The following VPS13B variants were observed in gnomAD, a reference collection of about 807,000 sequenced individuals.
The protein encoded by VPS13B is vacuolar protein sorting 13 homolog B, also known as intermembrane lipid transfer protein VPS13B.
In VPS13B, 285 loss-of-function variants were observed where a neutral mutation model predicts 426.4. The ratio of observed to expected loss-of-function variants is 0.67; its 90% CI spans 0.61 to 0.74. The LOEUF (loss-of-function observed/expected upper bound fraction) is 0.74, where lower values mean the gene tolerates loss of function less well. Among genes scored for constraint, VPS13B ranks in the 30% least tolerant of loss-of-function variants. The probability of loss-of-function intolerance (pLI) is 0.00; values close to 1 mark genes in which losing one functional copy is unlikely to be tolerated. For synonymous variants in VPS13B, 1,676 were observed against 1,676.4 expected (o/e 1.00, Z 0.01); for missense variants, 4,537 against 4,782.6 (o/e 0.95, Z 1.51).
intron 17 of VPS13B, among the ~76,000 whole-genome samples, chr8:99,266,597 TA>T (rs1194636973): frequency 6.6e-6 from 1 of 151,990 alleles, no homozygotes; most frequent in Non-Finnish European, 1.5e-5. Context: ...TGGTGGGAGG[TA>T]ATTGAATCAT....
intron 39 of VPS13B, among the ~76,000 whole-genome samples, chr8:99,724,753 G>A (rs1307620416): frequency 6.6e-6 from 1 of 152,098 alleles, no homozygotes; most frequent in African/African-American, 2.4e-5. Context: ...ACTCCTAGAT[G>A]GAATTCCAGG....
intron 39 of VPS13B, among the ~76,000 whole-genome samples, chr8:99,746,671 T>A (rs555190780): frequency 2.1e-3 from 317 of 152,276 alleles, no homozygotes; most frequent in Non-Finnish European, 3.9e-3. Context: ...GTGAGCCCAG[T>A]TCTGCAGGTT....
intron 17 of VPS13B, chr8:99,233,374 A>T (rs1816453947): frequency 1.9e-6 from 2 of 1,069,270 alleles, no homozygotes; most frequent in Non-Finnish European, 2.9e-6. Context: ...TTTCCCGAAG[A>T]TCCGTCCCTG....
intron 14 of VPS13B, among the ~76,000 whole-genome samples, 178 bp downstream of exon 14, chr8:99,148,188 G>A (rs1810850121): frequency 6.6e-6 from 1 of 151,310 alleles, no homozygotes; most frequent in Admixed American, 6.6e-5. Context: ...GACCAGCCTA[G>A]GCAACAGCAA....
intron 5 of VPS13B, among the ~76,000 whole-genome samples, chr8:99,103,816 TG>T (rs962790889): frequency 5.9e-5 from 9 of 152,076 alleles, no homozygotes; most frequent in Admixed American, 3.3e-4. Flanking sequence ...TGTGTTTTTT[TG>T]TAGAGACAAG....
intron 17 of VPS13B, among the ~76,000 whole-genome samples, chr8:99,238,010 C>T (rs1455648980): frequency 6.6e-6 from 1 of 151,964 alleles, no homozygotes; most frequent in Non-Finnish European, 1.5e-5. Context: ...TAATAGGCCT[C>T]TAGGCAGTCC....
At chr8:99,258,551 T>C (rs1437837785) in intron 17 of VPS13B, among the ~76,000 whole-genome samples, 4 of 152,068 alleles carry the variant, frequency 2.6e-5, no homozygotes, top group Non-Finnish European at 4.4e-5. Context: ...AGTTATTCCT[T>C]TAAAATTTTA....
intron 2 of VPS13B, among the ~76,000 whole-genome samples, chr8:99,022,782 AGTTAT>A (rs898236763): frequency 5.9e-5 from 9 of 152,084 alleles, no homozygotes; most frequent in African/African-American, 2.2e-4. Context: ...TATATCTTAA[AGTTAT>A]GTTATTAAGT....
At chr8:99,455,170 G>A (rs78256331) in intron 23 of VPS13B, among the ~76,000 whole-genome samples, 1 of 152,086 alleles carries the variant, frequency 6.6e-6, no homozygotes, top group Admixed American at 6.6e-5. Context: ...GGTGTAAAAA[G>A]TCATCAAAAA....
chr8:99,635,939 C>T (rs986127509), intron 33 of VPS13B, among the ~76,000 whole-genome samples: 2 of 151,954 alleles, frequency 1.3e-5, no homozygotes, highest in African/African-American at 2.4e-5. Flanking sequence ...TATCTTAATA[C>T]ATTGAAAAGA....
At chr8:99,281,698 G>C (rs1819181435) in intron 19 of VPS13B, among the ~76,000 whole-genome samples, 1 of 152,184 alleles carries the variant, frequency 6.6e-6, no homozygotes, top group African/African-American at 2.4e-5. Flanking sequence ...CTTGTCTTCT[G>C]CAGCCTTCAT....
At chr8:99,343,180 G>T (rs545798959) in intron 19 of VPS13B, among the ~76,000 whole-genome samples, 5 of 150,854 alleles carry the variant, frequency 3.3e-5, no homozygotes, top group East Asian at 2.0e-4. Context: ...TGCAACCTCC[G>T]CCTCCCAGGT....
At chr8:99,849,861 AAGT>A (rs1380837831) in intron 55 of VPS13B, among the ~76,000 whole-genome samples, 1 of 152,186 alleles carries the variant, frequency 6.6e-6, no homozygotes, top group Non-Finnish European at 1.5e-5. Flanking sequence ...AAAATAAAAC[AAGT>A]AGAATATAAT....
chr8:99,614,511 C>G (rs1827995284), intron 33 of VPS13B, among the ~76,000 whole-genome samples: 1 of 152,038 alleles, frequency 6.6e-6, no homozygotes, highest in Non-Finnish European at 1.5e-5. Flanking sequence ...TGCCCAACCT[C>G]AAGTGATCCG....
intron 19 of VPS13B, among the ~76,000 whole-genome samples, chr8:99,316,280 C>T (rs1365023495): frequency 3.3e-5 from 5 of 152,134 alleles, no homozygotes; most frequent in African/African-American, 9.7e-5. Flanking sequence ...CTAATGGTGG[C>T]AACCAGCCTT....
chr8:99,334,946 C>A (rs1328306103), intron 19 of VPS13B, among the ~76,000 whole-genome samples: 2 of 152,018 alleles, frequency 1.3e-5, no homozygotes, highest in Non-Finnish European at 2.9e-5. Context: ...CCAGCTCCTT[C>A]TTATACCTCG....
chr8:99,433,946 C>G (rs1211846417), intron 22 of VPS13B, among the ~76,000 whole-genome samples: 1 of 152,062 alleles, frequency 6.6e-6, no homozygotes, highest in Non-Finnish European at 1.5e-5. Flanking sequence ...GCTGGAATTA[C>G]AGGCGCCCAC....
chr8:99,838,683 C>T (rs752618991), intron 54 of VPS13B, among the ~76,000 whole-genome samples: 14 of 152,090 alleles, frequency 9.2e-5, no homozygotes, highest in Non-Finnish European at 1.6e-4. Context: ...AGTAATTGCA[C>T]GGGTAGTTGT....
At chr8:99,149,658 T>G (rs993315511) in intron 14 of VPS13B, among the ~76,000 whole-genome samples, 1 of 151,686 alleles carries the variant, frequency 6.6e-6, no homozygotes, top group Non-Finnish European at 1.5e-5. Context: ...CTTTTGATGT[T>G]CATATAATGA....
Sources: gnomAD v4.1 joint callset for allele counts (sites outside exome capture counted in the v4.1 genomes callset) on GRCh38, gnomAD v4.1.1 for gene constraint, MANE v1.5 for transcripts, NCBI Gene and HGNC (gene_info 2026-07-23, HGNC 2026-07-21) for gene names.